Variants in SBF2 observed in about 807,000 individuals in gnomAD.
SBF2 encodes the protein SET binding factor 2, also known as myotubularin-related protein 13.
A neutral mutation model predicts 225.2 loss-of-function variants in SBF2; 112 were observed. That is an observed-to-expected ratio of 0.50 (90% CI 0.43 to 0.58). The LOEUF is 0.58. Among genes scored for constraint, SBF2 ranks in the 20% least tolerant of loss-of-function variants. The pLI is 0.00. For missense variants in SBF2, 1,996 were observed against 2,206.2 expected (o/e 0.90, Z 1.91); for synonymous variants, 763 against 773.3 (o/e 0.99, Z 0.22).
rs577043617 is a variant in SBF2 at position 10,094,032 on chromosome 11, T to C, written c.142-51051A>G. Among the ~76,000 whole-genome samples, 5 of 151,188 alleles carry C rather than the reference T, an allele frequency of 3.3e-5. No homozygotes were observed. The South Asian group carries it at 1.0e-3, about 32-fold the overall frequency. Reference sequence around the variant, plus strand: ...TCTCAGAGTTTCCTAAAAGTTCCTATAAATATATTAACTTTTGGCCGGGTG... The same window carrying C: ...TCTCAGAGTTTCCTAAAAGTTCCTACAAATATATTAACTTTTGGCCGGGTG... On this transcript the variant is annotated intron_variant, in intron 2 of 39. Transcript: ENST00000256190.
At chr11:9,870,955 AGAGT>A (rs775002053) in intron 17 of SBF2, among the ~76,000 whole-genome samples, 12 of 149,086 alleles carry the variant, frequency 8.0e-5, no homozygotes, top group Non-Finnish European at 1.5e-4. Flanking sequence ...GCCTGCCAAC[AGAGT>A]GAGAATCCGT....
intron 2 of SBF2, among the ~76,000 whole-genome samples, chr11:10,051,492 C>T (rs1950062096): frequency 6.6e-6 from 1 of 152,048 alleles, no homozygotes; most frequent in Non-Finnish European, 1.5e-5. Flanking sequence ...AATGTGACCA[C>T]AGCTCAAATA....
In SBF2 at chr11:10,001,901, G is replaced by C. The variant is rs145614320; in HGVS notation, c.752+656C>G. 8.9e-4 allele frequency among the ~76,000 whole-genome samples: 135 copies of C among 152,136 alleles called. 1 individual carries two copies. Among genetic ancestry groups the C allele is most frequent in the Middle Eastern group, 6.8e-3 (2 of 294 alleles). Reference sequence around the variant, plus strand: ...TATGAACTAATTTCCCAGATGTTATGATTATCAATTGATTAAACAGTATAT... The same window carrying C: ...TATGAACTAATTTCCCAGATGTTATCATTATCAATTGATTAAACAGTATAT... On this transcript the variant is annotated intron_variant, in intron 7 of 39. Transcript: ENST00000256190.
chr11:9,875,179 A>G (rs1270018436), intron 17 of SBF2, among the ~76,000 whole-genome samples: 1 of 152,242 alleles, frequency 6.6e-6, no homozygotes, highest in Non-Finnish European at 1.5e-5. Flanking sequence ...TGCATGGTTA[A>G]GCCAATAATT....
chr11:10,177,388 G>C (rs1358590054), intron 2 of SBF2, among the ~76,000 whole-genome samples: 1 of 147,098 alleles, frequency 6.8e-6, no homozygotes, highest in South Asian at 2.2e-4. Flanking sequence ...ATTAGGAAAA[G>C]AGGAAGTCAA....
chr11:10,033,594 T>A lies in SBF2; in HGVS notation c.280-2424A>T, dbSNP rs575424907. ...AATTTCAATATCTCTCCTATAAGAA[T>A]GCAATGTCCTAAGTTTAGAGAAAAA... On this transcript the variant is annotated intron_variant, in intron 3 of 39. Transcript: ENST00000256190. 4.1e-4 allele frequency among the ~76,000 whole-genome samples: 63 copies of A among 152,170 alleles called. 1 individual carries two copies. The highest frequency in any genetic ancestry group is 2.6e-3 in the Admixed American group (39 of 15,276).
chr11:10,200,769 ACT>A (rs1208126536), intron 1 of SBF2, among the ~76,000 whole-genome samples: 4 of 152,156 alleles, frequency 2.6e-5, no homozygotes, highest in Admixed American at 1.3e-4. Flanking sequence ...ATATTGACAA[ACT>A]CTCAATAAAA....
intron 2 of SBF2, among the ~76,000 whole-genome samples, chr11:10,069,495 T>A (rs1281605404): frequency 6.6e-6 from 1 of 152,196 alleles, no homozygotes; most frequent in Non-Finnish European, 1.5e-5. Flanking sequence ...GAACTCATCC[T>A]TTTTTATGGC....
intron 2 of SBF2, among the ~76,000 whole-genome samples, chr11:10,105,206 T>C (rs1952496823): frequency 6.6e-6 from 1 of 152,148 alleles, no homozygotes; most frequent in Non-Finnish European, 1.5e-5. Context: ...CACTGTGTCT[T>C]GAAAGGACTG....
chr11:10,300,756 CA>C (rs1367099727), intron 1 of SBF2, among the ~76,000 whole-genome samples: 1 of 151,510 alleles, frequency 6.6e-6, no homozygotes, highest in Non-Finnish European at 1.5e-5. Context: ...TGTCCTGTTA[CA>C]GGTATTATTG....
At chr11:10,250,653 A>G (rs750649184) in intron 1 of SBF2, among the ~76,000 whole-genome samples, 21 of 152,176 alleles carry the variant, frequency 1.4e-4, no homozygotes, top group Non-Finnish European at 2.5e-4. Flanking sequence ...ATAATAGTTA[A>G]TTATTACGCC....
chr11:10,013,484 T>C (rs1948531637), intron 6 of SBF2, among the ~76,000 whole-genome samples: 1 of 152,226 alleles, frequency 6.6e-6, no homozygotes, highest in Admixed American at 6.5e-5. Flanking sequence ...TGTCATTTGC[T>C]TTTGGTCAAT....
intron 2 of SBF2, among the ~76,000 whole-genome samples, chr11:10,102,578 C>G (rs73412828): frequency 6.6e-6 from 1 of 152,196 alleles, no homozygotes; most frequent in African/African-American, 2.4e-5. Flanking sequence ...ATTGTCTCAA[C>G]CTAAAAGAGT....
intron 2 of SBF2, among the ~76,000 whole-genome samples, chr11:10,115,229 ATCCCAAGTACTGGCAGTT>A (rs1953076476): frequency 1.3e-5 from 2 of 152,222 alleles, no homozygotes; most frequent in African/African-American, 4.8e-5. Flanking sequence ...GTATACTACT[ATCCCAAGTACTGGCAGTT>A]CTAACCTTTT....
chr11:9,867,626 T>C (rs1371384067), intron 17 of SBF2, among the ~76,000 whole-genome samples: 1 of 152,046 alleles, frequency 6.6e-6, no homozygotes, highest in Non-Finnish European at 1.5e-5. Flanking sequence ...TAAATGTCCA[T>C]CAACAGATGA....
At chr11:9,894,851 A>G (rs10770071) in intron 17 of SBF2, among the ~76,000 whole-genome samples, 128,442 of 151,990 alleles carry the variant, frequency 0.85, 54,597 homozygotes, top group African/African-American at 0.87. Flanking sequence ...GTGTGGTGGT[A>G]CATGCCTATA....
intron 16 of SBF2, among the ~76,000 whole-genome samples, chr11:9,934,617 T>G (rs1864744722): frequency 6.6e-6 from 1 of 152,148 alleles, no homozygotes; most frequent in African/African-American, 2.4e-5. Context: ...CACGATCAAG[T>G]CGGCTTCATC....
At chr11:10,017,334 A>G (rs1948694770) in intron 6 of SBF2, among the ~76,000 whole-genome samples, 1 of 152,238 alleles carries the variant, frequency 6.6e-6, no homozygotes, top group Non-Finnish European at 1.5e-5. Flanking sequence ...AATATAGTTC[A>G]AAAAGCCCTG....
chr11:9,858,788 G>A (rs1287804669), intron 17 of SBF2, among the ~76,000 whole-genome samples: 1 of 152,052 alleles, frequency 6.6e-6, no homozygotes, highest in Non-Finnish European at 1.5e-5. Flanking sequence ...ATGGCTTTAG[G>A]GTACTCTTTT....
Sources: gnomAD v4.1 joint callset for allele counts (sites outside exome capture counted in the v4.1 genomes callset) on GRCh38, gnomAD v4.1.1 for gene constraint, MANE v1.5 for transcripts, NCBI Gene and HGNC (gene_info 2026-07-23, HGNC 2026-07-21) for gene names.